USP48: variants seen among roughly 807,000 people sequenced by gnomAD.
USP48 encodes the protein ubiquitin carboxyl-terminal hydrolase 48.
In USP48, 43 loss-of-function variants were observed where a neutral mutation model predicts 150.7. That is an observed-to-expected ratio of 0.29 (90% CI 0.22 to 0.37). The LOEUF (loss-of-function observed/expected upper bound fraction) is 0.37. USP48 is among the 10% of genes least tolerant of loss of function. USP48 has a pLI of 1.00. For missense variants in USP48, 813 were observed against 1,249.6 expected, an observed-to-expected ratio of 0.65 and a Z score of 5.27; for synonymous variants, 396 against 425.9, an observed-to-expected ratio of 0.93 and a Z score of 0.86.
At chr1:21,769,715 A>G (rs544507711) in intron 1 of USP48, among the ~76,000 whole-genome samples, 1 of 152,220 alleles carries the variant, frequency 6.6e-6, no homozygotes, top group South Asian at 2.1e-4. Flanking sequence ...CGGGCCTACA[A>G]AAAAATTTTG....
chr1:21,762,720 G>T (rs962263408), intron 1 of USP48, among the ~76,000 whole-genome samples: 7 of 152,054 alleles, frequency 4.6e-5, no homozygotes, highest in Admixed American at 1.3e-4. Flanking sequence ...ACAAAAATTA[G>T]CTGGACGTGG....
intron 13 of USP48, among the ~76,000 whole-genome samples, 155 bp downstream of exon 13, chr1:21,721,495 T>A (rs2097720837): frequency 6.6e-6 from 1 of 152,210 alleles, no homozygotes; most frequent in Non-Finnish European, 1.5e-5. Flanking sequence ...GGGCAGTCAT[T>A]GCAAAATTTA....
At chr1:21,731,246 C>T (rs183865981) in intron 9 of USP48, among the ~76,000 whole-genome samples, 100 of 152,108 alleles carry the variant, frequency 6.6e-4, no homozygotes, top group African/African-American at 2.2e-3. Context: ...CTTAATTGCC[C>T]AAATAAATAA....
rs1417771354 is a variant in USP48, at chr1:21,723,976, T to C, written c.1570A>G (p.Ile524Val). 2.5e-6 allele frequency: 4 copies of C among 1,614,026 alleles called. No homozygotes were observed. Among genetic ancestry groups the C allele is most frequent in the Non-Finnish European group, 3.4e-6 (4 of 1,180,024 alleles). The stretch of plus-strand genomic sequence containing the variant: ...TCAGATATCCTCTTCATAATTGATA[T>C]TTTATCCGGGTGAAGCTTGTCATGG... ...CSHDKLHPDK[I>V]SIMKRISEYA... Residue 524 changes from isoleucine (I) to valine (V), a missense_variant, in exon 12 of 27, where the codon ATA becomes GTA. Ile to Val is a conservative substitution (Grantham distance 29). Coordinates refer to ENST00000308271, the MANE Select transcript of USP48 (RefSeq NM_032236.8).
intron 8 of USP48, among the ~76,000 whole-genome samples, chr1:21,743,368 T>C (rs947820077): frequency 1.3e-5 from 2 of 152,112 alleles, no homozygotes; most frequent in Admixed American, 1.3e-4. Flanking sequence ...CCAAAGACAT[T>C]GCAGGGTCTG....
At chr1:21,704,167 T>C (rs1022878973) in intron 20 of USP48, 95 bp downstream of exon 20, 1 of 1,453,248 alleles carries the variant, frequency 6.9e-7, no homozygotes, top group African/African-American at 1.4e-5. Context: ...GACCGCCGCA[T>C]GATCTTTAAC....
At chr1:21,736,962 G>T (rs1275007881) in intron 8 of USP48, among the ~76,000 whole-genome samples, 1 of 152,154 alleles carries the variant, frequency 6.6e-6, no homozygotes, top group African/African-American at 2.4e-5. Context: ...CGCTTCCCAA[G>T]AATCGGCTGT....
At chr1:21,685,731 T>C (rs2097578919) in intron 25 of USP48, among the ~76,000 whole-genome samples, 1 of 152,274 alleles carries the variant, frequency 6.6e-6, no homozygotes, top group African/African-American at 2.4e-5. Context: ...AAACTCACTT[T>C]GTACACTGAT....
At chr1:21,738,425 G>A (rs1187106224) in intron 8 of USP48, among the ~76,000 whole-genome samples, 2 of 142,230 alleles carry the variant, frequency 1.4e-5, no homozygotes, top group African/African-American at 5.3e-5. Flanking sequence ...GTGTGATCTC[G>A]GCCCACTGCA....
intron 1 of USP48, among the ~76,000 whole-genome samples, chr1:21,779,227 C>T (rs1277267957): frequency 6.6e-6 from 1 of 151,824 alleles, no homozygotes; most frequent in Non-Finnish European, 1.5e-5. Context: ...AGAGTGAGAC[C>T]TCATTAAAAA....
chr1:21,728,802 A>G, intron 10 of USP48, 83 bp from the exon 11 acceptor site: 1 of 1,485,510 alleles, frequency 6.7e-7, no homozygotes, highest in Non-Finnish European at 9.1e-7. Flanking sequence ...ATCATATCAA[A>G]TACTGATTAA....
At chr1:21,713,994 G>A (rs1230226981) in intron 15 of USP48, among the ~76,000 whole-genome samples, 1 of 152,110 alleles carries the variant, frequency 6.6e-6, no homozygotes. Context: ...AGTGCAGTGA[G>A]ATAATCCAGA....
chr1:21,757,831 T>C, intron 1 of USP48, 48 bp from the exon 2 acceptor site: 9 of 1,534,994 alleles, frequency 5.9e-6, no homozygotes, highest in Non-Finnish European at 7.0e-6. Context: ...CATAGTTTCA[T>C]GAGAGACAAA....
intron 10 of USP48, 77 bp downstream of exon 10, chr1:21,729,627 A>C: frequency 3.3e-6 from 5 of 1,526,696 alleles, no homozygotes; most frequent in Non-Finnish European, 4.5e-6. Flanking sequence ...ACTAAAAGCA[A>C]TCCATTACTT....
intron 6 of USP48, among the ~76,000 whole-genome samples, chr1:21,750,983 CAGCT>C (rs199737612): frequency 6.6e-6 from 1 of 151,916 alleles, no homozygotes; most frequent in Non-Finnish European, 1.5e-5. Flanking sequence ...TATCTGAAGA[CAGCT>C]AGCTAGCTAG....
chr1:21,738,642 G>A (rs1324955562), intron 8 of USP48, among the ~76,000 whole-genome samples: 3 of 151,380 alleles, frequency 2.0e-5, no homozygotes, highest in Non-Finnish European at 4.4e-5. Context: ...ACAGGTGTGA[G>A]CCACCACGCC....
intron 23 of USP48, among the ~76,000 whole-genome samples, chr1:21,692,293 C>G (rs1390694759): frequency 1.1e-4 from 17 of 152,060 alleles, no homozygotes; most frequent in Admixed American, 1.1e-3. Context: ...CAGGACAGTT[C>G]TATCCAAGCC....
chr1:21,696,258 G>A (rs1414818029), intron 22 of USP48, among the ~76,000 whole-genome samples: 1 of 152,078 alleles, frequency 6.6e-6, no homozygotes, highest in Non-Finnish European at 1.5e-5. Context: ...GACTAAAATG[G>A]AGAAACCCCC....
chr1:21,707,460 T>G (rs2097675996), intron 15 of USP48, among the ~76,000 whole-genome samples: 1 of 152,142 alleles, frequency 6.6e-6, no homozygotes, highest in South Asian at 2.1e-4. Context: ...CCATCTCCAG[T>G]CAAGCACCAA....
Sources: gnomAD v4.1 joint callset for allele counts (sites outside exome capture counted in the v4.1 genomes callset) on GRCh38, gnomAD v4.1.1 for gene constraint, MANE v1.5 for transcripts, NCBI Gene and HGNC (gene_info 2026-07-23, HGNC 2026-07-21) for gene names.